The following MYLK variants were observed in gnomAD, a reference collection of about 807,000 sequenced individuals.
MYLK encodes myosin light chain kinase, smooth muscle.
In MYLK, 106 loss-of-function variants were observed where a neutral mutation model predicts 203.4. That is an observed-to-expected ratio of 0.52 (90% CI 0.45 to 0.61). The LOEUF is 0.61. MYLK is among the 20% of genes least tolerant of loss of function. The pLI is 0.00. For synonymous variants in MYLK, 867 were observed against 959.5 expected, an observed-to-expected ratio of 0.90 and a Z score of 1.78; for missense variants, 2,072 against 2,442.3, an observed-to-expected ratio of 0.85 and a Z score of 3.20.
rs376413440 is a variant in MYLK, at chr3:123,806,308, A to G, written c.-3-12464T>C. Among the ~76,000 whole-genome samples, 71 of 152,332 alleles carry G rather than the reference A, an allele frequency of 4.7e-4. 2 individuals are homozygous for G. The South Asian group carries it at 0.011, about 24-fold the overall frequency. ...ACTAGGGTCCAGAGTGGACCACTGT[A>G]TCTTCAAAGACTGAGTTGAGATCTC... On this transcript the variant is annotated intron_variant, in intron 3 of 33. Transcript: ENST00000360304.
intron 2 of MYLK, among the ~76,000 whole-genome samples, chr3:123,853,272 C>T (rs1429016183): frequency 1.3e-5 from 2 of 152,156 alleles, no homozygotes; most frequent in East Asian, 1.9e-4. Flanking sequence ...GATTAAGCCA[C>T]AAAGAGGTCT....
chr3:123,692,226 T>C, intron 19 of MYLK: 1 of 828,896 alleles, frequency 1.2e-6, no homozygotes, highest in South Asian at 4.3e-5. Context: ...CTACTACCAT[T>C]TTGTTTTGGC....
chr3:123,852,756 G>A (rs985432197), intron 2 of MYLK, among the ~76,000 whole-genome samples: 9 of 152,120 alleles, frequency 5.9e-5, no homozygotes, highest in African/African-American at 1.2e-4. Flanking sequence ...ACAGAATTTC[G>A]AAAGTGTCAT....
intron 33 of MYLK, among the ~76,000 whole-genome samples, chr3:123,615,939 A>G (rs2057467420): frequency 6.6e-6 from 1 of 152,234 alleles, no homozygotes; most frequent in Non-Finnish European, 1.5e-5. Context: ...GTGAGCCACT[A>G]TGCCCAGCCT....
At chr3:123,853,787 G>A (rs571069356) in intron 2 of MYLK, among the ~76,000 whole-genome samples, 2 of 152,252 alleles carry the variant, frequency 1.3e-5, no homozygotes, top group South Asian at 2.1e-4. Context: ...TTGCATGCAT[G>A]AGAAATGAGG....
In MYLK at chr3:123,829,626, T is replaced by C. The variant is rs145485238; in HGVS notation, c.-4+1922A>G. Among the ~76,000 whole-genome samples the C allele has an allele frequency of 3.7e-3, 556 of 152,268 alleles. 2 individuals are homozygous for C. Among genetic ancestry groups the C allele is most frequent in the African/African-American group, 0.013 (536 of 41,562 alleles). On this transcript the variant is annotated intron_variant, in intron 3 of 33. Transcript: ENST00000360304. ...GTTTCAAACATAAAGAAATGATAAA[T>C]GTTTGCAATGATGGATATGCTAATT... is the stretch of plus-strand genomic sequence containing the variant.
chr3:123,820,643 C>CTTCCTTCCTTCCTTCT (rs397990986), intron 3 of MYLK, among the ~76,000 whole-genome samples: 4 of 80,406 alleles, frequency 5.0e-5, no homozygotes, highest in African/African-American at 1.4e-4. Context: ...TCCTTCCTTC[C>CTTCCTTCCTTCCTTCT]CTCCTTCCTT....
chr3:123,855,899 T>C (rs764278398), intron 2 of MYLK, among the ~76,000 whole-genome samples: 4 of 152,196 alleles, frequency 2.6e-5, no homozygotes, highest in Non-Finnish European at 4.4e-5. Flanking sequence ...TCAAGCCACC[T>C]AGAGCAGAGG....
chr3:123,737,532 T>G lies in MYLK; in HGVS notation c.600A>C (p.Pro200=), dbSNP rs1364149793. The G allele has an allele frequency of 1.9e-6, 3 of 1,614,158 alleles. No individual in the cohort carries two copies. ...CAGACACACGGGCACTCGGCTGCAG[T>G]GGAACATTTCCCTGTGGATGGCAAT... ...PQVTWLKGNV[P]LQPSARVSVS... Residue 200 remains proline, a synonymous_variant, in exon 8 of 34, where the codon CCA becomes CCC. Coordinates refer to ENST00000360304, the MANE Select transcript of MYLK (RefSeq NM_053025.4).
chr3:123,639,210 C>T (rs1243973794), intron 28 of MYLK, among the ~76,000 whole-genome samples: 1 of 152,238 alleles, frequency 6.6e-6, no homozygotes, highest in East Asian at 1.9e-4. Flanking sequence ...TGCCCCTACC[C>T]TGTCCTCTTA....
intron 20 of MYLK, among the ~76,000 whole-genome samples, chr3:123,675,283 T>C (rs1047194242): frequency 5.9e-5 from 9 of 152,200 alleles, no homozygotes; most frequent in Non-Finnish European, 1.3e-4. Context: ...TCTGGAAGCC[T>C]CCTGGGAAAC....
intron 31 of MYLK, chr3:123,621,431 C>T (rs1011300034): frequency 6.6e-6 from 1 of 152,182 alleles, no homozygotes; most frequent in Non-Finnish European, 1.5e-5. Context: ...AGGCAAATGG[C>T]TTGTACTCGT....
intron 2 of MYLK, among the ~76,000 whole-genome samples, chr3:123,853,522 T>A (rs2031055095): frequency 6.6e-6 from 1 of 152,202 alleles, no homozygotes; most frequent in African/African-American, 2.4e-5. Context: ...CAGTAACTGC[T>A]ATGTGCCTTT....
At chr3:123,784,507 A>T (rs1255961876) in intron 4 of MYLK, among the ~76,000 whole-genome samples, 1 of 146,922 alleles carries the variant, frequency 6.8e-6, no homozygotes, top group East Asian at 2.0e-4. Flanking sequence ...TGGGGACATT[A>T]GTGTCACTAT....
rs746874733 is a variant in MYLK, at chr3:123,708,055, T to C, written c.2141-52A>G. ...AACAGGGATGTCCCTCAGCAGGCAGTGTCCACTCAATTCTCCATGGAGGTG... is the reference window on the plus strand; with the variant it reads ...AACAGGGATGTCCCTCAGCAGGCAGCGTCCACTCAATTCTCCATGGAGGTG... On this transcript the variant is annotated intron_variant, in intron 15 of 33. Coordinates refer to ENST00000360304, the MANE Select transcript of MYLK (RefSeq NM_053025.4). 4 of 1,610,260 alleles carry C rather than the reference T, an allele frequency of 2.5e-6. No homozygotes were observed. In the South Asian group the frequency reaches 3.3e-5, roughly 13 times the overall value.
chr3:123,803,901 T>C (rs1190243032), intron 3 of MYLK, among the ~76,000 whole-genome samples: 9 of 152,154 alleles, frequency 5.9e-5, no homozygotes, highest in Admixed American at 5.9e-4. Context: ...TCTGATTGGA[T>C]GAGGTCTGTC....
At chr3:123,748,833 G>A (rs991416015) in intron 5 of MYLK, among the ~76,000 whole-genome samples, 2 of 152,156 alleles carry the variant, frequency 1.3e-5, no homozygotes, top group African/African-American at 4.8e-5. Context: ...CATTCTGGGA[G>A]GCTGAGGTAG....
At chr3:123,654,606 A>G (rs1284527699) in intron 24 of MYLK, among the ~76,000 whole-genome samples, 2 of 151,824 alleles carry the variant, frequency 1.3e-5, no homozygotes, top group Non-Finnish European at 2.9e-5. Flanking sequence ...GTCTTCTACC[A>G]TCTGCCTCAC....
chr3:123,754,936 G>A (rs948309150), intron 4 of MYLK, among the ~76,000 whole-genome samples: 7 of 152,142 alleles, frequency 4.6e-5, no homozygotes, highest in African/African-American at 1.2e-4. Flanking sequence ...GATGTCATGC[G>A]CCCATATAAA....
Sources: allele counts gnomAD v4.1 joint callset (sites outside exome capture counted in the v4.1 genomes callset), GRCh38; gene constraint gnomAD v4.1.1; transcripts MANE v1.5; gene names NCBI Gene and HGNC (gene_info 2026-07-23, HGNC 2026-07-21).